The following PDE7A variants were observed in gnomAD, a reference collection of about 807,000 sequenced individuals.
PDE7A encodes phosphodiesterase 7A, also known as high affinity 3',5'-cyclic-AMP phosphodiesterase 7A.
PDE7A carries 39 observed loss-of-function variants against 64.3 expected under a neutral mutation model. That is an observed-to-expected ratio of 0.61 (90% CI 0.47 to 0.79). PDE7A has a LOEUF of 0.79. Ranked by LOEUF, PDE7A falls within the 30% of genes least tolerant of loss-of-function variation. The pLI is 0.00. For synonymous variants in PDE7A, 203 were observed against 206.8 expected, an observed-to-expected ratio of 0.98 and a Z score of 0.16; for missense variants, 470 against 582.8, an observed-to-expected ratio of 0.81 and a Z score of 1.99.
Position 65,806,590 on chromosome 8 carries a change from T to C in PDE7A, c.139-23747A>G, listed in dbSNP as rs558462461. ...GGACTCCTACCACAATATTAACTTA[T>C]GTTGCCAGATAAATGTGTTTATATG... On this transcript the variant is annotated intron_variant, in intron 1 of 12. Transcript: ENST00000401827. Among the ~76,000 whole-genome samples the C allele has an allele frequency of 3.9e-5, 6 of 152,362 alleles. No individual in the cohort carries two copies. The South Asian group carries it at 1.2e-3, about 32-fold the overall frequency.
In PDE7A at chr8:65,763,052, A is replaced by G. The variant is rs117066932; in HGVS notation, c.284-15249T>C. ...GTGTGTGTGTGTATAAAATGAATAT[A>G]CAGCTTAAACTTCAGTATGAACCAA... On this transcript the variant is annotated intron_variant, in intron 3 of 12. Transcript: ENST00000401827. Among the ~76,000 whole-genome samples the G allele has an allele frequency of 2.7e-3, 406 of 151,766 alleles. 17 individuals carry two copies. In the East Asian group the frequency reaches 0.07, roughly 26 times the overall value.
chr8:65,782,795 T>C lies in PDE7A; in HGVS notation c.187A>G (p.Ile63Val). Reference protein sequence around the residue: ...YDSSDQTALYIRMLGDVRVRS... With the variant: ...YDSSDQTALYVRMLGDVRVRS... ...AAATAATGCTTACCTAGCATACGAA[T>C]GTATAATGCAGTCTGATCAGAACTG... is the stretch of plus-strand genomic sequence containing the variant. Residue 63 changes from isoleucine to valine, a missense_variant, in exon 2 of 13, where the codon ATT (isoleucine) becomes GTT (valine). By Grantham distance (29) the Ile-to-Val change is conservative. Transcript: ENST00000401827. The C allele has an allele frequency of 1.9e-6, 3 of 1,578,046 alleles. No homozygotes were observed. The highest frequency in any genetic ancestry group is 3.3e-4 in the Middle Eastern group (2 of 5,984).
rs746404826 is a variant in PDE7A, at chr8:65,739,509, T to G, written c.588A>C (p.Arg196Ser). ...YFHLDMMKLR[R>S]FLVMIQEDYH... is the part of the protein sequence containing the mutation. ...TGGGTTAGAATCACTTACCTAAAAATCTACGAAGTTTCATCATATCTAAAT... is the reference window on the plus strand; with the variant it reads ...TGGGTTAGAATCACTTACCTAAAAAGCTACGAAGTTTCATCATATCTAAAT... The change falls in exon 6 of 13, where the codon AGA (arginine) becomes AGC (serine). Residue 196 changes from arginine to serine, a missense_variant. By Grantham distance (110) the Arg-to-Ser change is moderately radical. Coordinates refer to ENST00000401827, the MANE Select transcript of PDE7A (RefSeq NM_001242318.3). The G allele has an allele frequency of 5.1e-6, 8 of 1,559,844 alleles. No individual in the cohort carries two copies. The highest frequency in any genetic ancestry group is 6.9e-6 in the Non-Finnish European group (8 of 1,159,648).
At chr8:65,809,725 T>C (rs1243026052) in intron 1 of PDE7A, among the ~76,000 whole-genome samples, 1 of 152,188 alleles carries the variant, frequency 6.6e-6, no homozygotes, top group African/African-American at 2.4e-5. Flanking sequence ...AAGACATTTA[T>C]GCAGCCAACA....
chr8:65,824,223 G>A (rs921847164), intron 1 of PDE7A, among the ~76,000 whole-genome samples: 7 of 152,186 alleles, frequency 4.6e-5, no homozygotes, highest in East Asian at 1.9e-4. Flanking sequence ...TTGTTATGGT[G>A]ATCTGTGATA....
intron 1 of PDE7A, among the ~76,000 whole-genome samples, chr8:65,790,119 G>A (rs757878401): frequency 2.0e-5 from 3 of 152,202 alleles, no homozygotes; most frequent in Non-Finnish European, 4.4e-5. Context: ...AAGAACAGGC[G>A]TGAGGGCCAA....
chr8:65,838,207 T>C (rs1404306431), intron 1 of PDE7A, among the ~76,000 whole-genome samples: 5 of 152,212 alleles, frequency 3.3e-5, no homozygotes, highest in African/African-American at 1.2e-4. Flanking sequence ...CACTCAACTT[T>C]CACATCTACC....
At chr8:65,788,910 A>G in intron 1 of PDE7A, 1 of 1,613,250 alleles carries the variant, frequency 6.2e-7, no homozygotes. Flanking sequence ...GATAAGAACC[A>G]AGGCCAGACA....
chr8:65,733,076 T>C lies in PDE7A; in HGVS notation c.696+1718A>G, dbSNP rs148630044. ...AGGGAAATGCCTGCATTGTAGGGCT[T>C]TGTGATTTTATCTATATCCTTAATT... is the stretch of plus-strand genomic sequence containing the variant. On this transcript the variant is annotated intron_variant, in intron 7 of 12. Coordinates refer to ENST00000401827, the MANE Select transcript of PDE7A (RefSeq NM_001242318.3). Among the ~76,000 whole-genome samples, 9 of 152,294 alleles carry C rather than the reference T, an allele frequency of 5.9e-5. No homozygotes were observed. In the East Asian group the frequency reaches 1.7e-3, roughly 29 times the overall value.
chr8:65,836,087 G>T (rs1235421355), intron 1 of PDE7A, among the ~76,000 whole-genome samples: 1 of 152,152 alleles, frequency 6.6e-6, no homozygotes, highest in African/African-American at 2.4e-5. Context: ...CAGGTGTTTT[G>T]AGAATACACA....
intron 12 of PDE7A, chr8:65,720,609 T>G (rs1038022450): frequency 3.9e-5 from 6 of 153,668 alleles, no homozygotes; most frequent in Admixed American, 6.5e-5. Context: ...AATAAGGCTT[T>G]CTTTCTTTCA....
intron 2 of PDE7A, among the ~76,000 whole-genome samples, 172 bp from the exon 3 acceptor site, chr8:65,779,975 A>G (rs1326245326): frequency 6.6e-6 from 1 of 152,218 alleles, no homozygotes; most frequent in Non-Finnish European, 1.5e-5. Flanking sequence ...ACAAAATCTC[A>G]GTAATTAATT....
At chr8:65,736,471 G>A (rs1399219892) in intron 6 of PDE7A, among the ~76,000 whole-genome samples, 1 of 152,146 alleles carries the variant, frequency 6.6e-6, no homozygotes, top group Non-Finnish European at 1.5e-5. Flanking sequence ...AGTTTCTCAA[G>A]GCCAGGTGCA....
intron 12 of PDE7A, chr8:65,721,885 T>G (rs2129064308): frequency 6.7e-6 from 1 of 149,480 alleles, no homozygotes; most frequent in African/African-American, 2.5e-5. Flanking sequence ...ATTGGCTCAC[T>G]GCAACCTCTG....
chr8:65,835,107 A>T (rs186831804), intron 1 of PDE7A, among the ~76,000 whole-genome samples: 1 of 152,378 alleles, frequency 6.6e-6, no homozygotes, highest in African/African-American at 2.4e-5. Context: ...TGTGGAAGAG[A>T]ATAAATTCAA....
At chr8:65,758,565 GCA>G (rs1808345414) in intron 3 of PDE7A, among the ~76,000 whole-genome samples, 1 of 152,184 alleles carries the variant, frequency 6.6e-6, no homozygotes, top group Non-Finnish European at 1.5e-5. Flanking sequence ...CTGAATGTGA[GCA>G]CACACTTGTG....
intron 1 of PDE7A, among the ~76,000 whole-genome samples, chr8:65,840,104 G>A (rs1285360972): frequency 1.3e-5 from 2 of 152,142 alleles, no homozygotes; most frequent in Non-Finnish European, 2.9e-5. Context: ...ATCTGAACAT[G>A]CTTTAAGTGG....
chr8:65,747,623 T>G, intron 4 of PDE7A, 29 bp downstream of exon 4: 7 of 1,466,324 alleles, frequency 4.8e-6, no homozygotes, highest in Non-Finnish European at 6.6e-6. Context: ...ATCAAAAAAT[T>G]AATGTTTTCT....
chr8:65,734,762 A>T (rs1051921986), intron 7 of PDE7A, 32 bp downstream of exon 7: 1 of 1,231,422 alleles, frequency 8.1e-7, no homozygotes, highest in African/African-American at 1.5e-5. Flanking sequence ...TTTTCTTATG[A>T]TTTTCACCTG....
Sources: gnomAD v4.1 joint callset for allele counts (sites outside exome capture counted in the v4.1 genomes callset) on GRCh38, gnomAD v4.1.1 for gene constraint, MANE v1.5 for transcripts, NCBI Gene and HGNC (gene_info 2026-07-23, HGNC 2026-07-21) for gene names.